TACR3: variants seen among roughly 807,000 people sequenced by gnomAD.
TACR3 encodes the protein tachykinin receptor 3.
In TACR3, 34 loss-of-function variants were observed where a neutral mutation model predicts 35.0. The observed-to-expected ratio is 0.97, with a 90% confidence interval of 0.74 to 1.30. TACR3 has a LOEUF of 1.30. Ranked by LOEUF, TACR3 falls within the 50% of genes most tolerant of loss-of-function variation. TACR3 has a pLI of 0.00. For missense variants in TACR3, 558 were observed against 591.7 expected (o/e 0.94, Z 0.59); for synonymous variants, 233 against 221.1 (o/e 1.05, Z -0.48).
chr4:103,685,793 G>T (rs1488559247), intron 1 of TACR3, among the ~76,000 whole-genome samples: 2 of 152,150 alleles, frequency 1.3e-5, no homozygotes, highest in Admixed American at 1.3e-4. Context: ...AAGTTAACAA[G>T]TATTCATTAA....
chr4:103,653,626 C>T (rs1236008901), intron 3 of TACR3, among the ~76,000 whole-genome samples: 1 of 152,094 alleles, frequency 6.6e-6, no homozygotes, highest in Non-Finnish European at 1.5e-5. Context: ...CCATTCAGGA[C>T]ATAGGCATGG....
intron 3 of TACR3, among the ~76,000 whole-genome samples, chr4:103,605,770 A>G (rs997067408): frequency 2.0e-5 from 3 of 151,066 alleles, no homozygotes; most frequent in African/African-American, 2.4e-5. Context: ...CCCATTTTGT[A>G]GGTTGCCTGT....
chr4:103,712,147 G>T (rs1176227254), intron 1 of TACR3, among the ~76,000 whole-genome samples: 1 of 152,090 alleles, frequency 6.6e-6, no homozygotes, highest in Admixed American at 6.6e-5. Context: ...AAAAACTACT[G>T]TCAAGTTCAT....
At position 103,650,837 on chromosome 4, in the gene TACR3, C is replaced by A. The variant is rs189287267; in HGVS notation, c.888+5357G>T. ...ATATATTATATAATAATATATATAT[C>A]TTATATATAATAATATATATATCTC... On this transcript the variant is annotated intron_variant, in intron 3 of 4. Coordinates refer to ENST00000304883, the MANE Select transcript of TACR3 (RefSeq NM_001059.3). 1.6e-4 allele frequency among the ~76,000 whole-genome samples: 3 copies of A among 18,622 alleles called. 1 individual carries two copies. Among genetic ancestry groups the A allele is most frequent in the Non-Finnish European group, 2.2e-4 (3 of 13,482 alleles). The allele number at this position is 18,622 out of a possible 152,430, so 12.2% of individuals were successfully genotyped here.
At chr4:103,621,202 C>CAGTGGGGGAAAGCAGGGACG (rs1724771280) in intron 3 of TACR3, among the ~76,000 whole-genome samples, 1 of 152,136 alleles carries the variant, frequency 6.6e-6, no homozygotes, top group Non-Finnish European at 1.5e-5. Flanking sequence ...AATTGAAAAG[C>CAGTGGGGGAAAGCAGGGACG]AGTGGGGGAA....
intron 3 of TACR3, among the ~76,000 whole-genome samples, chr4:103,597,141 G>A (rs868466851): frequency 4.1e-5 from 6 of 144,916 alleles, no homozygotes; most frequent in South Asian, 4.4e-4. Context: ...TGGGTCAAAT[G>A]GTATTTCTAG....
At chr4:103,699,919 T>C (rs1722607081) in intron 1 of TACR3, among the ~76,000 whole-genome samples, 1 of 152,148 alleles carries the variant, frequency 6.6e-6, no homozygotes, top group Admixed American at 6.6e-5. Context: ...TCTGGATTAC[T>C]GACAAGGGTT....
At chr4:103,627,096 C>G (rs1429734465) in intron 3 of TACR3, among the ~76,000 whole-genome samples, 1 of 136,154 alleles carries the variant, frequency 7.3e-6, no homozygotes, top group Admixed American at 8.1e-5. Context: ...GCAGGAGAAT[C>G]ACTTGAACTC....
At chr4:103,685,599 A>G (rs962342624) in intron 1 of TACR3, among the ~76,000 whole-genome samples, 1 of 152,200 alleles carries the variant, frequency 6.6e-6, no homozygotes, top group East Asian at 1.9e-4. Context: ...GATATTTGCA[A>G]ATCACATACC....
intron 3 of TACR3, among the ~76,000 whole-genome samples, chr4:103,640,892 A>T (rs1228100874): frequency 1.3e-5 from 2 of 151,984 alleles, no homozygotes; most frequent in South Asian, 4.1e-4. Flanking sequence ...TTTGCCATGC[A>T]GAAGATTTTA....
intron 3 of TACR3, among the ~76,000 whole-genome samples, chr4:103,650,669 A>AAT (rs1318064528): frequency 9.8e-5 from 2 of 20,318 alleles, no homozygotes; most frequent in African/African-American, 9.7e-4. Flanking sequence ...TATATAAATA[A>AAT]ATATATATTA....
intron 1 of TACR3, among the ~76,000 whole-genome samples, chr4:103,689,480 A>G (rs905467050): frequency 2.0e-5 from 3 of 152,168 alleles, no homozygotes; most frequent in Non-Finnish European, 4.4e-5. Context: ...ACTATCAAAG[A>G]TATAGAAATT....
chr4:103,631,355 A>G (rs1029397771), intron 3 of TACR3, among the ~76,000 whole-genome samples: 7 of 152,040 alleles, frequency 4.6e-5, no homozygotes, highest in African/African-American at 1.4e-4. Context: ...TGCATGGTAT[A>G]GTTCCTTTTT....
At chr4:103,655,420 A>G (rs1725711838) in intron 3 of TACR3, among the ~76,000 whole-genome samples, 1 of 152,110 alleles carries the variant, frequency 6.6e-6, no homozygotes, top group Admixed American at 6.6e-5. Flanking sequence ...AAACCTCTCC[A>G]AGATGCATTA....
At chr4:103,700,944 A>G (rs867783586) in intron 1 of TACR3, among the ~76,000 whole-genome samples, 96 of 152,328 alleles carry the variant, frequency 6.3e-4, no homozygotes, top group African/African-American at 2.1e-3. Context: ...CCAATATCAT[A>G]CTGAATGGGC....
At chr4:103,650,550 A>ATGT (rs1400589467) in intron 3 of TACR3, among the ~76,000 whole-genome samples, 11 of 88,342 alleles carry the variant, frequency 1.2e-4, no homozygotes, top group African/African-American at 1.9e-4. Flanking sequence ...TATATAAAAT[A>ATGT]AATTTAATAA....
intron 1 of TACR3, among the ~76,000 whole-genome samples, chr4:103,677,294 G>A (rs556812497): frequency 2.0e-5 from 3 of 148,578 alleles, no homozygotes; most frequent in East Asian, 4.5e-4. Context: ...TGTGGAAGAC[G>A]GTGTGGTGAT....
intron 1 of TACR3, among the ~76,000 whole-genome samples, chr4:103,677,582 A>T (rs1233116890): frequency 6.6e-6 from 1 of 152,192 alleles, no homozygotes; most frequent in Non-Finnish European, 1.5e-5. Context: ...GGAGGCTATT[A>T]TCCTTAGCAA....
At chr4:103,679,124 T>C (rs541704943) in intron 1 of TACR3, among the ~76,000 whole-genome samples, 6 of 152,080 alleles carry the variant, frequency 3.9e-5, no homozygotes, top group Non-Finnish European at 8.8e-5. Context: ...ACTGACATCC[T>C]CTATGTTGCA....
Sources: gnomAD v4.1 joint callset for allele counts (sites outside exome capture counted in the v4.1 genomes callset) on GRCh38, gnomAD v4.1.1 for gene constraint, MANE v1.5 for transcripts, NCBI Gene and HGNC (gene_info 2026-07-23, HGNC 2026-07-21) for gene names.